The following CAMK2D variants were observed in gnomAD, a reference collection of about 807,000 sequenced individuals.
CAMK2D encodes calcium/calmodulin dependent protein kinase II delta.
In CAMK2D, 37 loss-of-function variants were observed where a neutral mutation model predicts 84.0. That is an observed-to-expected ratio of 0.44 (90% CI 0.34 to 0.58). The LOEUF (loss-of-function observed/expected upper bound fraction) is 0.58, where lower values mean the gene tolerates loss of function less well. Among genes scored for constraint, CAMK2D ranks in the 20% least tolerant of loss-of-function variants. The probability of loss-of-function intolerance (pLI) is 0.02; values close to 1 mark genes in which losing one functional copy is unlikely to be tolerated. For missense variants in CAMK2D, 448 were observed against 652.5 expected (o/e 0.69, Z 3.41); for synonymous variants, 202 against 212.5 (o/e 0.95, Z 0.43).
chr4:113,455,657 A>G, intron 20 of CAMK2D, 69 bp downstream of exon 20: 2 of 836,976 alleles, frequency 2.4e-6, no homozygotes, highest in Non-Finnish European at 2.0e-6. Context: ...CTCAAAAGGA[A>G]GGAAAACAGC....
intron 3 of CAMK2D, among the ~76,000 whole-genome samples, chr4:113,635,394 C>A (rs187503206): frequency 6.6e-6 from 1 of 152,290 alleles, no homozygotes; most frequent in Admixed American, 6.5e-5. Flanking sequence ...AATTGTACTG[C>A]AATTAATGGG....
At position 113,701,224 on chromosome 4, in the gene CAMK2D, C is replaced by T. The variant is rs184002655; in HGVS notation, c.161-39452G>A. Among the ~76,000 whole-genome samples the T allele has an allele frequency of 2.0e-3, 307 of 152,292 alleles. 7 individuals carry two copies. Among genetic ancestry groups the T allele is most frequent in the East Asian group, 1.9e-3 (10 of 5,186 alleles). On this transcript the variant is annotated intron_variant, in intron 2 of 20. Transcript: ENST00000511664. ...CAATCTTATAGCTTATCATTTCAAACGTAGACACTGTGGGCTATTCAGGTC... is the reference window on the plus strand; with the variant it reads ...CAATCTTATAGCTTATCATTTCAAATGTAGACACTGTGGGCTATTCAGGTC...
At chr4:113,614,949 A>G (rs1363400573) in intron 3 of CAMK2D, among the ~76,000 whole-genome samples, 4 of 152,210 alleles carry the variant, frequency 2.6e-5, no homozygotes, top group Non-Finnish European at 5.9e-5. Flanking sequence ...CATGATACTA[A>G]TAGAGTAATT....
intron 16 of CAMK2D, among the ~76,000 whole-genome samples, chr4:113,469,068 C>A (rs2097514239): frequency 6.6e-6 from 1 of 152,154 alleles, no homozygotes; most frequent in South Asian, 2.1e-4. Context: ...GAATTGGGAA[C>A]ATTTTCCCTT....
rs1301402134 is a variant in CAMK2D, at chr4:113,722,429, C to G, written c.160+36891G>C. Among the ~76,000 whole-genome samples the G allele has an allele frequency of 2.0e-5, 3 of 152,136 alleles. No individual in the cohort carries two copies. In the East Asian group the frequency reaches 5.8e-4, roughly 29 times the overall value. On this transcript the variant is annotated intron_variant, in intron 2 of 20. Transcript: ENST00000511664. ...TGGGTCTCAAAAATGCTCCTCTTCC[C>G]TCCTCAGATTCAGAAATGGAGAAAT... is the stretch of plus-strand genomic sequence containing the variant.
intron 16 of CAMK2D, among the ~76,000 whole-genome samples, chr4:113,481,804 A>C (rs2097704506): frequency 6.6e-6 from 1 of 152,240 alleles, no homozygotes; most frequent in South Asian, 2.1e-4. Context: ...AAAATAAGGT[A>C]GTAAAAGATC....
intron 2 of CAMK2D, among the ~76,000 whole-genome samples, chr4:113,737,777 A>G (rs1361306302): frequency 6.6e-6 from 1 of 152,086 alleles, no homozygotes; most frequent in Non-Finnish European, 1.5e-5. Flanking sequence ...CTGGTTGTGA[A>G]TCTTTATCTT....
At chr4:113,722,037 T>C (rs2099532036) in intron 2 of CAMK2D, among the ~76,000 whole-genome samples, 1 of 152,206 alleles carries the variant, frequency 6.6e-6, no homozygotes, top group South Asian at 2.1e-4. Context: ...CGCCCATGTA[T>C]ATGTATGTTG....
At chr4:113,459,030 GA>G (rs1157581172) in intron 18 of CAMK2D, among the ~76,000 whole-genome samples, 1 of 152,092 alleles carries the variant, frequency 6.6e-6, no homozygotes. Context: ...CACCTTCTTT[GA>G]AAAGTGGCTG....
intron 4 of CAMK2D, among the ~76,000 whole-genome samples, chr4:113,591,744 A>G (rs1409307092): frequency 1.3e-5 from 2 of 152,114 alleles, no homozygotes; most frequent in African/African-American, 2.4e-5. Flanking sequence ...CATTTCTACA[A>G]TTTTCCACGT....
chr4:113,570,702 G>T (rs1278294752), intron 4 of CAMK2D, among the ~76,000 whole-genome samples: 1 of 152,094 alleles, frequency 6.6e-6, no homozygotes, highest in Non-Finnish European at 1.5e-5. Context: ...ACTACTAGAA[G>T]AAAACACGGG....
chr4:113,471,216 T>A (rs530196625), intron 16 of CAMK2D, among the ~76,000 whole-genome samples: 1 of 152,306 alleles, frequency 6.6e-6, no homozygotes, highest in Non-Finnish European at 1.5e-5. Context: ...TGTTTCCATA[T>A]CCAATCCTCC....
At position 113,475,376 on chromosome 4, in the gene CAMK2D, GAACT is replaced by G. The variant is rs544677778; in HGVS notation, c.1136-9776_1136-9773del. Among the ~76,000 whole-genome samples the G allele has an allele frequency of 3.5e-3, 534 of 152,246 alleles. 4 individuals are homozygous for G. The highest frequency in any genetic ancestry group is 0.012 in the African/African-American group (512 of 41,538). On this transcript the variant is annotated intron_variant, in intron 16 of 20. Coordinates refer to ENST00000511664, the MANE Select transcript of CAMK2D (RefSeq NM_001321571.2). The stretch of plus-strand genomic sequence containing the variant: ...CAAACAAAATTCCATAGTATCAACT[GAACT>G]GTTATGTCCTTGAATTTATTTTTTG...
At chr4:113,622,353 C>A (rs1293476339) in intron 3 of CAMK2D, among the ~76,000 whole-genome samples, 1 of 152,106 alleles carries the variant, frequency 6.6e-6, no homozygotes, top group Non-Finnish European at 1.5e-5. Context: ...CCAGGACAGC[C>A]CCTAGAAAAG....
chr4:113,578,745 C>T (rs13121973), intron 4 of CAMK2D, among the ~76,000 whole-genome samples: 110,142 of 152,054 alleles, frequency 0.72, 40,179 homozygotes, highest in Middle Eastern at 0.78. Context: ...TTCCCCTAAA[C>T]ACTTGCAAAT....
chr4:113,588,551 T>C (rs2098844421), intron 4 of CAMK2D, among the ~76,000 whole-genome samples: 1 of 152,182 alleles, frequency 6.6e-6, no homozygotes, highest in African/African-American at 2.4e-5. Context: ...ATTTCTATGA[T>C]TCTGAGCATA....
chr4:113,749,484 A>G (rs2099612260), intron 2 of CAMK2D, among the ~76,000 whole-genome samples: 1 of 152,220 alleles, frequency 6.6e-6, no homozygotes, highest in Non-Finnish European at 1.5e-5. Flanking sequence ...AGCTAATAAC[A>G]TCCATGATAT....
At chr4:113,736,294 CTCTA>C (rs1454606151) in intron 2 of CAMK2D, among the ~76,000 whole-genome samples, 1 of 152,124 alleles carries the variant, frequency 6.6e-6, no homozygotes. Flanking sequence ...TACAGTTTTA[CTCTA>C]TCTAGTGTTA....
chr4:113,613,899 A>C (rs986646741), intron 3 of CAMK2D, among the ~76,000 whole-genome samples: 14 of 150,692 alleles, frequency 9.3e-5, no homozygotes, highest in African/African-American at 3.4e-4. Context: ...AGAGCGAGCG[A>C]GAGAGAGAGA....
Sources: allele counts gnomAD v4.1 joint callset (sites outside exome capture counted in the v4.1 genomes callset), GRCh38; gene constraint gnomAD v4.1.1; transcripts MANE v1.5; gene names NCBI Gene and HGNC (gene_info 2026-07-23, HGNC 2026-07-21).